ANKRD36: variants seen among roughly 807,000 people sequenced by gnomAD.
ANKRD36 encodes the protein ankyrin repeat domain-containing protein 36A.
ANKRD36 carries 179 observed loss-of-function variants against 278.1 expected under a neutral mutation model. The observed-to-expected ratio is 0.64, with a 90% CI of 0.57 to 0.73. The LOEUF (loss-of-function observed/expected upper bound fraction) is 0.73, where lower values mean the gene tolerates loss of function less well. Ranked by LOEUF, ANKRD36 falls within the 30% of genes least tolerant of loss-of-function variation. The probability of loss-of-function intolerance (pLI) is 0.00; values close to 1 mark genes in which losing one functional copy is unlikely to be tolerated. For missense variants in ANKRD36, 1,159 were observed against 1,956.7 expected (o/e 0.59, Z 7.69); for synonymous variants, 320 against 641.1 (o/e 0.50, Z 7.57).
intron 24 of ANKRD36, among the ~76,000 whole-genome samples, chr2:97,181,346 T>C (rs1191714549): frequency 1.3e-5 from 2 of 151,498 alleles, no homozygotes; most frequent in African/African-American, 2.4e-5. Flanking sequence ...ATTGACACGG[T>C]TTTATTTTAG....
At chr2:97,169,252 GTCT>G (rs1410989084) in intron 22 of ANKRD36, among the ~76,000 whole-genome samples, 15 of 152,280 alleles carry the variant, frequency 9.9e-5, no homozygotes, top group Non-Finnish European at 1.8e-4. Flanking sequence ...CTGAATAAAT[GTCT>G]TCTTTTGAGC....
Position 97,213,404 on chromosome 2 carries a change from C to G in ANKRD36, c.3470-15C>G. ...ATTTACATATGAGTGATTATGTATC[C>G]CTTTTGCTTTTCAGTGTCTTGTCAG... is the stretch of plus-strand genomic sequence containing the variant. On this transcript the variant is annotated splice_polypyrimidine_tract_variant and intron_variant, in intron 58 of 75. Coordinates refer to ENST00000420699, the MANE Select transcript of ANKRD36 (RefSeq NM_001354587.1). 2.0e-6 allele frequency: 1 copy of G among 490,764 alleles called. No individual in the cohort carries two copies. The highest frequency in any genetic ancestry group is 3.4e-6 in the Non-Finnish European group (1 of 297,694). The allele number at this position is 490,764 out of a possible 1,614,324, so 30.4% of individuals were successfully genotyped here.
intron 11 of ANKRD36, among the ~76,000 whole-genome samples, chr2:97,147,610 G>A (rs370101208): frequency 6.9e-6 from 1 of 145,566 alleles, no homozygotes; most frequent in Non-Finnish European, 1.5e-5. Context: ...AGTTCAAAAC[G>A]CAGTCTTCTT....
intron 6 of ANKRD36, among the ~76,000 whole-genome samples, chr2:97,141,251 A>ATG (rs1553564448): frequency 1.6e-4 from 24 of 146,984 alleles, no homozygotes; most frequent in African/African-American, 6.0e-4. Flanking sequence ...ATTTACATAT[A>ATG]TATATATTTG....
chr2:97,145,043 C>T (rs1313985059), intron 10 of ANKRD36, among the ~76,000 whole-genome samples: 1 of 151,876 alleles, frequency 6.6e-6, no homozygotes, highest in African/African-American at 2.4e-5. Flanking sequence ...AGATGAAGTA[C>T]TAGAAATTAT....
At chr2:97,201,103 C>T (rs1270703219) in intron 46 of ANKRD36, among the ~76,000 whole-genome samples, 4 of 151,876 alleles carry the variant, frequency 2.6e-5, no homozygotes, top group East Asian at 1.9e-4. Flanking sequence ...CAATATTTGA[C>T]TTTGGCAGCT....
chr2:97,206,531 A>C (rs2062896671), intron 52 of ANKRD36, among the ~76,000 whole-genome samples: 1 of 151,434 alleles, frequency 6.6e-6, no homozygotes, highest in Non-Finnish European at 1.5e-5. Flanking sequence ...AATAACCCGT[A>C]CACTCTGTAG....
At chr2:97,225,853 C>A (rs1341719705) in intron 67 of ANKRD36, among the ~76,000 whole-genome samples, 1 of 150,848 alleles carries the variant, frequency 6.6e-6, no homozygotes, top group Non-Finnish European at 1.5e-5. Context: ...TCAATTCCCA[C>A]CTATGAGTGA....
In ANKRD36 at chr2:97,121,014, C is replaced by G. The variant is rs371239854; in HGVS notation, c.487-1873C>G. ...TGCTACTGTGCCTACCTAGGTACTTCACTTCCTCAGGTCATCTCCCTTGCC... is the reference window on the plus strand; with the variant it reads ...TGCTACTGTGCCTACCTAGGTACTTGACTTCCTCAGGTCATCTCCCTTGCC... On this transcript the variant is annotated intron_variant, in intron 3 of 75. Coordinates refer to ENST00000420699, the MANE Select transcript of ANKRD36 (RefSeq NM_001354587.1). Among the ~76,000 whole-genome samples the G allele has an allele frequency of 2.2e-3, 330 of 152,096 alleles. 13 individuals are homozygous for G. The East Asian group carries it at 0.055, about 25-fold the overall frequency.
In ANKRD36 at chr2:97,200,367, T is replaced by C. The variant is rs1472933316; in HGVS notation, c.2784+5T>C. 6.2e-7 allele frequency: 1 copy of C among 1,605,756 alleles called. No individual in the cohort carries two copies. The highest frequency in any genetic ancestry group is 8.5e-7 in the Non-Finnish European group (1 of 1,178,712). ...CGGAAAAAACCATCCTTGGAGGTAA[T>C]GAAACTCTCATTCATATTGTGAGCT... On this transcript the variant is annotated splice_donor_5th_base_variant and intron_variant, in intron 45 of 75. Coordinates refer to ENST00000420699, the MANE Select transcript of ANKRD36 (RefSeq NM_001354587.1).
intron 66 of ANKRD36, among the ~76,000 whole-genome samples, chr2:97,219,689 C>T (rs1263999498): frequency 2.2e-5 from 3 of 139,324 alleles, no homozygotes; most frequent in African/African-American, 8.4e-5. Context: ...CCATGTTGGT[C>T]AGGCTGGTCT....
At chr2:97,163,628 T>A in intron 18 of ANKRD36, 1 of 189,374 alleles carries the variant, frequency 5.3e-6, no homozygotes, top group Non-Finnish European at 1.1e-5. Flanking sequence ...CAGGCTTGAG[T>A]GCAGTGGCGG....
At chr2:97,132,577 C>T (rs2040447123) in intron 6 of ANKRD36, among the ~76,000 whole-genome samples, 1 of 151,886 alleles carries the variant, frequency 6.6e-6, no homozygotes, top group Admixed American at 6.6e-5. Flanking sequence ...AAACAGCCTT[C>T]TGATCGTAGT....
intron 62 of ANKRD36, among the ~76,000 whole-genome samples, chr2:97,216,252 C>G (rs1439132151): frequency 2.0e-5 from 3 of 151,852 alleles, no homozygotes; most frequent in African/African-American, 7.2e-5. Flanking sequence ...CTTCATTGTT[C>G]AAGGAGCTAA....
At position 97,161,217 on chromosome 2, in the gene ANKRD36, T is replaced by A. The variant is rs531384259; in HGVS notation, c.1390-882T>A. 4.6e-5 allele frequency among the ~76,000 whole-genome samples: 7 copies of A among 152,410 alleles called. No homozygotes were observed. In the East Asian group the frequency reaches 1.3e-3, roughly 29 times the overall value. ...AAATTTGACAGGTCTCAAACTGCCT[T>A]CCAGATTCTTTCCTGACTCTTTGTA... On this transcript the variant is annotated intron_variant, in intron 17 of 75. Coordinates refer to ENST00000420699, the MANE Select transcript of ANKRD36 (RefSeq NM_001354587.1).
intron 52 of ANKRD36, among the ~76,000 whole-genome samples, chr2:97,207,105 G>A (rs2063072404): frequency 6.6e-6 from 1 of 151,514 alleles, no homozygotes; most frequent in African/African-American, 2.4e-5. Flanking sequence ...TGTCAAAATT[G>A]ATAATTGATG....
chr2:97,147,181 T>C (rs1415930096), intron 11 of ANKRD36, among the ~76,000 whole-genome samples: 2 of 151,890 alleles, frequency 1.3e-5, no homozygotes, highest in Non-Finnish European at 2.9e-5. Flanking sequence ...ATATTTCTAA[T>C]TCATGTCTCT....
At chr2:97,149,223 A>G (rs1230648753) in intron 11 of ANKRD36, 72 bp from the exon 12 acceptor site, 1 of 1,310,648 alleles carries the variant, frequency 7.6e-7, no homozygotes, top group South Asian at 1.3e-5. Context: ...ACATACGTGT[A>G]TAGACTGACG....
chr2:97,193,636 G>A (rs1162993736), intron 38 of ANKRD36, among the ~76,000 whole-genome samples: 2 of 151,412 alleles, frequency 1.3e-5, no homozygotes, highest in African/African-American at 4.8e-5. Context: ...TTTGCTTTTG[G>A]CTACTCCAGG....
Sources: allele counts gnomAD v4.1 joint callset (sites outside exome capture counted in the v4.1 genomes callset), GRCh38; gene constraint gnomAD v4.1.1; transcripts MANE v1.5; gene names NCBI Gene and HGNC (gene_info 2026-07-23, HGNC 2026-07-21).